NFAT5: variants seen among roughly 807,000 people sequenced by gnomAD.
NFAT5 encodes nuclear factor of activated T cells 5.
NFAT5 carries 31 observed loss-of-function variants against 166.5 expected under a neutral mutation model. The observed-to-expected ratio is 0.19, with a 90% CI of 0.14 to 0.25. NFAT5 has a LOEUF of 0.25. NFAT5 is among the 10% of genes least tolerant of loss of function. The pLI, the probability that NFAT5 is intolerant of heterozygous loss-of-function variation, is 1.00. For synonymous variants in NFAT5, 612 were observed against 639.7 expected, an observed-to-expected ratio of 0.96 and a Z score of 0.65; for missense variants, 1,449 against 1,821.8, an observed-to-expected ratio of 0.80 and a Z score of 3.72.
chr16:69,681,735 G>C (rs1376308502), intron 10 of NFAT5, among the ~76,000 whole-genome samples: 1 of 152,030 alleles, frequency 6.6e-6, no homozygotes, highest in African/African-American at 2.4e-5. Context: ...GGCTAACACA[G>C]TGAAACCCCG....
chr16:69,638,778 G>A (rs1164536011), intron 3 of NFAT5, among the ~76,000 whole-genome samples: 2 of 151,068 alleles, frequency 1.3e-5, no homozygotes, highest in Admixed American at 6.6e-5. Context: ...AGTAGAATTG[G>A]CAGGAATGCC....
chr16:69,595,685 A>AT (rs1375109440), intron 2 of NFAT5, among the ~76,000 whole-genome samples: 52 of 152,190 alleles, frequency 3.4e-4, no homozygotes, highest in South Asian at 2.1e-4. Context: ...TCAGCATACG[A>AT]TTTTTTCTTT....
In NFAT5 at chr16:69,602,270, CT is replaced by C. The variant is rs66903207; in HGVS notation, c.128-24117del. 2.3e-3 allele frequency among the ~76,000 whole-genome samples: 318 copies of C among 136,492 alleles called. 1 individual carries two copies. The highest frequency in any genetic ancestry group is 9.0e-3 in the East Asian group (43 of 4,752). The allele number at this position is 136,492 out of a possible 152,430, so 89.5% of individuals were successfully genotyped here. A position where few individuals can be genotyped will look rare whatever the true frequency, so the allele number is the denominator to read the frequency against. On this transcript the variant is annotated intron_variant, in intron 2 of 14. Transcript: ENST00000349945. ...AAAGTAGATAAATCTTGGTTATTATCTTTTTTTTTTTTTTTTGAAATGGAGT... is the reference window on the plus strand; with the variant it reads ...AAAGTAGATAAATCTTGGTTATTATCTTTTTTTTTTTTTTTGAAATGGAGT...
chr16:69,687,580 C>T (rs887483660), intron 11 of NFAT5, among the ~76,000 whole-genome samples: 3 of 151,946 alleles, frequency 2.0e-5, no homozygotes, highest in Admixed American at 1.3e-4. Context: ...AGTAGACATA[C>T]TTGTCAGTGG....
In NFAT5 at chr16:69,669,962, T is replaced by C. The variant is rs200317844; in HGVS notation, c.1370-15T>C. ...TTGGTGGTTCTTCTTATAGAATGCT[T>C]ATGTATCTCCACAGCTCAGCCAGCA... On this transcript the variant is annotated splice_polypyrimidine_tract_variant and intron_variant, in intron 7 of 14. Transcript: ENST00000349945. The C allele has an allele frequency of 6.4e-7, 1 of 1,559,762 alleles. No individual in the cohort carries two copies. The highest frequency in any genetic ancestry group is 2.3e-5 in the East Asian group (1 of 42,700).
chr16:69,635,007 C>A (rs2034893637), intron 3 of NFAT5, among the ~76,000 whole-genome samples: 2 of 150,408 alleles, frequency 1.3e-5, no homozygotes, highest in Non-Finnish European at 1.5e-5. Flanking sequence ...TGTTTCTAAC[C>A]TCCTTTGTTA....
chr16:69,696,229 CTG>C (rs1455410548), intron 14 of NFAT5, 129 bp from the exon 15 acceptor site: 2 of 152,164 alleles, frequency 1.3e-5, no homozygotes, highest in Non-Finnish European at 2.9e-5. Flanking sequence ...TCAGAAAAGT[CTG>C]TGGAAGATCA....
chr16:69,621,196 T>C (rs998322619), intron 2 of NFAT5, among the ~76,000 whole-genome samples: 1 of 152,062 alleles, frequency 6.6e-6, no homozygotes. Context: ...CACTGTTAGA[T>C]ACCCTGCTTG....
intron 3 of NFAT5, among the ~76,000 whole-genome samples, chr16:69,629,616 T>C (rs244417): frequency 0.35 from 52,329 of 151,334 alleles, 9,746 homozygotes; most frequent in Non-Finnish European, 0.42. Flanking sequence ...AATTTTGTTA[T>C]CCCATTTTTT....
rs141979503 is a variant in NFAT5, at chr16:69,616,122, C to T, written c.128-10281C>T. Among the ~76,000 whole-genome samples, 347 of 152,220 alleles carry T rather than the reference C, an allele frequency of 2.3e-3. 2 individuals carry two copies. Among genetic ancestry groups the T allele is most frequent in the South Asian group, 5.6e-3 (27 of 4,814 alleles). On this transcript the variant is annotated intron_variant, in intron 2 of 14. Transcript: ENST00000349945. Reference sequence around the variant, plus strand: ...CACCCCATGCCAGGCTGCCTATCTACGGAAATGCCCTCTTTAGTCAGTCTT... The same window carrying T: ...CACCCCATGCCAGGCTGCCTATCTATGGAAATGCCCTCTTTAGTCAGTCTT...
At chr16:69,606,002 C>G (rs1285692014) in intron 2 of NFAT5, among the ~76,000 whole-genome samples, 1 of 152,214 alleles carries the variant, frequency 6.6e-6, no homozygotes, top group Non-Finnish European at 1.5e-5. Flanking sequence ...CATGAGCCAC[C>G]GCGCCCGGCC....
chr16:69,699,527 T>C lies in NFAT5; in HGVS notation c.*3176T>C, dbSNP rs1351418507. Reference sequence around the variant, plus strand: ...CTTACCCCTAAAGGTCAATGTTAAGTACAACATTCTGAAAATACAATTTGG... The same window carrying C: ...CTTACCCCTAAAGGTCAATGTTAAGCACAACATTCTGAAAATACAATTTGG... On this transcript the variant is annotated 3_prime_UTR_variant, in exon 15 of 15. Transcript: ENST00000349945. 1 of 152,658 alleles carries C rather than the reference T, an allele frequency of 6.6e-6. No individual in the cohort carries two copies. The highest frequency in any genetic ancestry group is 2.4e-5 in the African/African-American group (1 of 41,448). The allele number at this position is 152,658 out of a possible 1,614,324, so 9.5% of individuals were successfully genotyped here. A position where few individuals can be genotyped will look rare whatever the true frequency, so the allele number is the denominator to read the frequency against.
intron 4 of NFAT5, among the ~76,000 whole-genome samples, chr16:69,651,978 G>A (rs377454894): frequency 1.3e-5 from 2 of 152,120 alleles, no homozygotes; most frequent in African/African-American, 4.8e-5. Flanking sequence ...TTGCTCAAAA[G>A]GAAAGATAAC....
chr16:69,655,592 A>G lies in NFAT5; in HGVS notation c.1006-17A>G, dbSNP rs1322568381. 4 of 1,538,102 alleles carry G rather than the reference A, an allele frequency of 2.6e-6. No homozygotes were observed. Among genetic ancestry groups the G allele is most frequent in the Non-Finnish European group, 1.8e-6 (2 of 1,139,324 alleles). Reference sequence around the variant, plus strand: ...AAATACTAATTAGTGTTTCTGTTGCATGTTTTCTGGTTTCAGCTGGAAGGC... The same window carrying G: ...AAATACTAATTAGTGTTTCTGTTGCGTGTTTTCTGGTTTCAGCTGGAAGGC... On this transcript the variant is annotated splice_polypyrimidine_tract_variant and intron_variant, in intron 5 of 14. Transcript: ENST00000349945.
chr16:69,631,882 G>A (rs2034735117), intron 3 of NFAT5, among the ~76,000 whole-genome samples: 1 of 152,172 alleles, frequency 6.6e-6, no homozygotes, highest in African/African-American at 2.4e-5. Flanking sequence ...CCACTTGTTG[G>A]ACCACTGTCG....
chr16:69,609,822 A>G (rs866175097), intron 2 of NFAT5, among the ~76,000 whole-genome samples: 15 of 149,362 alleles, frequency 1.0e-4, no homozygotes, highest in African/African-American at 2.9e-4. Context: ...CTCTACTGAA[A>G]AAAAAAAAAA....
At chr16:69,573,210 G>A (rs2016542495) in intron 2 of NFAT5, among the ~76,000 whole-genome samples, 1 of 152,038 alleles carries the variant, frequency 6.6e-6, no homozygotes, top group Non-Finnish European at 1.5e-5. Context: ...ATATGACAAT[G>A]AGTTAAGAGA....
At chr16:69,676,010 CT>C (rs1254880382) in intron 9 of NFAT5, among the ~76,000 whole-genome samples, 6 of 152,144 alleles carry the variant, frequency 3.9e-5, no homozygotes, top group Admixed American at 1.3e-4. Context: ...AAATTAAATT[CT>C]CAGAAATGGA....
intron 10 of NFAT5, among the ~76,000 whole-genome samples, chr16:69,682,585 C>CGA (rs1449704655): frequency 6.6e-6 from 1 of 152,042 alleles, no homozygotes; most frequent in Non-Finnish European, 1.5e-5. Context: ...TGCCAATGTA[C>CGA]TCCAGCCTGG....
Sources: gnomAD v4.1 joint callset for allele counts (sites outside exome capture counted in the v4.1 genomes callset) on GRCh38, gnomAD v4.1.1 for gene constraint, MANE v1.5 for transcripts, NCBI Gene and HGNC (gene_info 2026-07-23, HGNC 2026-07-21) for gene names.